Variants in RBM25 observed in about 807,000 individuals in gnomAD.
RBM25 encodes the protein RNA binding motif protein 25.
Under a neutral mutation model 120.7 loss-of-function variants are expected in RBM25, and 19 were observed. The observed-to-expected ratio is 0.16, with a 90% CI of 0.11 to 0.23. The LOEUF (loss-of-function observed/expected upper bound fraction) is 0.23, where lower values mean the gene tolerates loss of function less well. Among genes scored for constraint, RBM25 ranks in the 10% least tolerant of loss-of-function variants. The pLI, the probability that RBM25 is intolerant of heterozygous loss-of-function variation, is 1.00. For synonymous variants in RBM25, 390 were observed against 326.7 expected, an observed-to-expected ratio of 1.19 and a Z score of -2.09; for missense variants, 605 against 1,041.5, an observed-to-expected ratio of 0.58 and a Z score of 5.77.
In RBM25 at chr14:73,095,536, G is replaced by T. The variant is rs79896437; in HGVS notation, c.544-1379G>T. On this transcript the variant is annotated intron_variant, in intron 6 of 18. Transcript: ENST00000261973. ...CAGGAGAATGGTGTGAAACTGGGAG[G>T]CCAGAGCTTGCAGTGAGCTGAGATC... 2.3e-3 allele frequency among the ~76,000 whole-genome samples: 354 copies of T among 151,832 alleles called. 1 individual carries two copies. The highest frequency in any genetic ancestry group is 8.3e-3 in the African/African-American group (345 of 41,426).
chr14:73,080,786 G>C (rs945809195), intron 4 of RBM25, among the ~76,000 whole-genome samples: 2 of 151,410 alleles, frequency 1.3e-5, no homozygotes, highest in Non-Finnish European at 2.9e-5. Flanking sequence ...TATGTGCTAT[G>C]ATTGTATTTT....
chr14:73,108,665 A>G (rs1594932733), intron 13 of RBM25, among the ~76,000 whole-genome samples: 1 of 152,262 alleles, frequency 6.6e-6, no homozygotes, highest in Admixed American at 6.5e-5. Context: ...TTTGTCTGAC[A>G]TGATACAATC....
intron 6 of RBM25, among the ~76,000 whole-genome samples, chr14:73,091,003 G>C (rs1466011579): frequency 6.6e-6 from 1 of 152,180 alleles, no homozygotes; most frequent in Admixed American, 6.5e-5. Flanking sequence ...TGTGATAACT[G>C]TATACTAACT....
intron 7 of RBM25, among the ~76,000 whole-genome samples, chr14:73,097,913 C>T (rs1482499330): frequency 1.3e-5 from 2 of 152,164 alleles, no homozygotes; most frequent in African/African-American, 2.4e-5. Context: ...GTTTAGTTTT[C>T]TCATACTTAT....
intron 1 of RBM25, among the ~76,000 whole-genome samples, chr14:73,066,024 CCTCAGAGTTTGTTTA>C (rs1369368631): frequency 1.3e-5 from 2 of 152,000 alleles, no homozygotes; most frequent in Non-Finnish European, 2.9e-5. Context: ...TTATTGAAGT[CCTCAGAGTTTGTTTA>C]CTGATTTATT....
At chr14:73,095,579 C>G (rs1336700683) in intron 6 of RBM25, among the ~76,000 whole-genome samples, 2 of 151,496 alleles carry the variant, frequency 1.3e-5, no homozygotes, top group African/African-American at 4.9e-5. Context: ...TGCATTCCAG[C>G]CTGGGCAACA....
At chr14:73,098,008 A>G (rs1018486844) in intron 7 of RBM25, among the ~76,000 whole-genome samples, 6 of 152,248 alleles carry the variant, frequency 3.9e-5, no homozygotes, top group Admixed American at 2.0e-4. Flanking sequence ...TGACACATGT[A>G]GTCCCAGCAA....
chr14:73,121,097 C>G lies in RBM25; in HGVS notation c.*1292C>G, dbSNP rs964552953. ...AAGAAGTTTTAAACAGCTTTTCACA[C>G]AAATTAGATGCAACTGTTCCCATGT... is the stretch of plus-strand genomic sequence containing the variant. On this transcript the variant is annotated 3_prime_UTR_variant, in exon 19 of 19. Transcript: ENST00000261973. 2 of 152,230 alleles carry G rather than the reference C, an allele frequency of 1.3e-5. No homozygotes were observed. The highest frequency in any genetic ancestry group is 4.8e-5 in the African/African-American group (2 of 41,344). 9.4% of individuals were successfully genotyped at this position (152,230 alleles called of 1,614,324 possible).
chr14:73,093,102 T>C (rs1895855176), intron 6 of RBM25, among the ~76,000 whole-genome samples: 1 of 152,224 alleles, frequency 6.6e-6, no homozygotes, highest in South Asian at 2.1e-4. Context: ...TATATCTGCT[T>C]GTATGTCACA....
chr14:73,103,527 T>G lies in RBM25; in HGVS notation c.1154+49T>G, dbSNP rs1305391022. On this transcript the variant is annotated intron_variant, in intron 10 of 18. Coordinates refer to ENST00000261973, the MANE Select transcript of RBM25 (RefSeq NM_021239.3). ...TTTCCTGATAGCTTTAAGAAAACTA[T>G]CGGGTAGTCCTCCAGAGTACCATTT... 3 of 1,526,270 alleles carry G rather than the reference T, an allele frequency of 2.0e-6. No homozygotes were observed. In the African/African-American group the frequency reaches 4.2e-5, roughly 21 times the overall value. The allele number at this position is 1,526,270 out of a possible 1,614,324, so 94.5% of individuals were successfully genotyped here.
chr14:73,103,934 TCTCTCTCTCTCTCTCA>T (rs1450476087), intron 10 of RBM25, among the ~76,000 whole-genome samples: 107 of 59,152 alleles, frequency 1.8e-3, no homozygotes, highest in African/African-American at 4.0e-3. Context: ...TCTCTCTCTC[TCTCTCTCTCTCTCTCA>T]CACACACACA....
chr14:73,107,861 A>G lies in RBM25; in HGVS notation c.1503A>G (p.Glu501=). The G allele has an allele frequency of 6.2e-7, 1 of 1,603,696 alleles. No individual in the cohort carries two copies. ...CTAAACGACTAAAAGAATTCTTAGA[A>G]GACTATGATGATGATAGAGATGACC... ...KEAKRLKEFL[E]DYDDDRDDPK... The change falls in exon 13 of 19, where the codon GAA becomes GAG. Residue 501 remains glutamate, a synonymous_variant. Coordinates refer to ENST00000261973, the MANE Select transcript of RBM25 (RefSeq NM_021239.3).
chr14:73,105,125 A>T (rs892771326), intron 10 of RBM25, among the ~76,000 whole-genome samples: 46 of 85,872 alleles, frequency 5.4e-4, no homozygotes, highest in Non-Finnish European at 6.9e-4. Flanking sequence ...TGGTTTTATT[A>T]CTTTTTTTTT....
chr14:73,111,227 G>GA, intron 15 of RBM25, 72 bp downstream of exon 15: 1 of 1,290,024 alleles, frequency 7.8e-7, no homozygotes, highest in South Asian at 1.5e-5. Context: ...GTGCTTTAAA[G>GA]AAAAAAATTT....
chr14:73,117,222 T>C (rs1008027044), intron 18 of RBM25, among the ~76,000 whole-genome samples: 7 of 47,274 alleles, frequency 1.5e-4, no homozygotes, highest in East Asian at 7.6e-4. Flanking sequence ...TTTTTTTTTT[T>C]TTTTTTTTTT....
intron 1 of RBM25, among the ~76,000 whole-genome samples, chr14:73,068,853 C>T (rs990161211): frequency 1.3e-5 from 2 of 151,970 alleles, no homozygotes; most frequent in Non-Finnish European, 2.9e-5. Context: ...GGATTATGAG[C>T]GTGAGCCACC....
rs1895740107 is a variant in RBM25 at position 73,088,519 on chromosome 14, C to T, written c.543+358C>T. 7.5e-6 allele frequency: 3 copies of T among 401,480 alleles called. No homozygotes were observed. In the Admixed American group the frequency reaches 9.1e-5, roughly 12 times the overall value. 24.9% of individuals were successfully genotyped at this position (401,480 alleles called of 1,614,324 possible). On this transcript the variant is annotated intron_variant, in intron 6 of 18. Transcript: ENST00000261973. ...CAACCTACACAATTTTTATTAGTTT[C>T]CCTCTCTTTTAGAAGTACACCGACT...
chr14:73,102,969 C>T, intron 9 of RBM25: 1 of 822,352 alleles, frequency 1.2e-6, no homozygotes, highest in South Asian at 2.6e-5. Flanking sequence ...TCCCAGCATC[C>T]AAGATTGGAG....
chr14:73,103,031 G>C (rs1319900400), intron 9 of RBM25, 161 bp from the exon 10 acceptor site: 1 of 1,424,774 alleles, frequency 7.0e-7, no homozygotes, highest in African/African-American at 1.4e-5. Flanking sequence ...TTCTAGTCTT[G>C]TGATTGCTTC....
Sources: gnomAD v4.1 joint callset for allele counts (sites outside exome capture counted in the v4.1 genomes callset) on GRCh38, gnomAD v4.1.1 for gene constraint, MANE v1.5 for transcripts, NCBI Gene and HGNC (gene_info 2026-07-23, HGNC 2026-07-21) for gene names.